APBA1: variants seen among roughly 807,000 people sequenced by gnomAD.
APBA1 encodes the protein amyloid-beta A4 precursor protein-binding family A member 1.
In APBA1, 55 loss-of-function variants were observed where a neutral mutation model predicts 86.6. The observed-to-expected ratio is 0.64, with a 90% CI of 0.51 to 0.80. The LOEUF (loss-of-function observed/expected upper bound fraction) is 0.80. Ranked by LOEUF, APBA1 falls within the 30% of genes least tolerant of loss-of-function variation. The pLI, the probability that APBA1 is intolerant of heterozygous loss-of-function variation, is 0.00. For missense variants in APBA1, 1,090 were observed against 1,183.0 expected, an observed-to-expected ratio of 0.92 and a Z score of 1.15; for synonymous variants, 511 against 493.9, an observed-to-expected ratio of 1.03 and a Z score of -0.46.
chr9:69,563,728 C>T (rs1212162017), intron 1 of APBA1, among the ~76,000 whole-genome samples: 2 of 152,108 alleles, frequency 1.3e-5, no homozygotes, highest in African/African-American at 4.8e-5. Context: ...CCTTCTGGCT[C>T]AACTGTTTTG....
At chr9:69,476,535 T>C (rs1835450106) in intron 2 of APBA1, among the ~76,000 whole-genome samples, 1 of 152,192 alleles carries the variant, frequency 6.6e-6, no homozygotes, top group Non-Finnish European at 1.5e-5. Flanking sequence ...TCTTATAAAA[T>C]TGCCTGCCCC....
At chr9:69,552,054 T>C (rs1836793020) in intron 1 of APBA1, among the ~76,000 whole-genome samples, 2 of 152,182 alleles carry the variant, frequency 1.3e-5, no homozygotes, top group South Asian at 4.1e-4. Context: ...GGACAGAAAC[T>C]TGGAGGTGGC....
chr9:69,618,288 A>G (rs986575830), intron 1 of APBA1, among the ~76,000 whole-genome samples: 5 of 152,216 alleles, frequency 3.3e-5, no homozygotes, highest in African/African-American at 9.6e-5. Context: ...GAAGCCATGC[A>G]TTGACACCAG....
At position 69,672,285 on chromosome 9, in the gene APBA1, T is replaced by C. The variant is rs1231585970; in HGVS notation, c.-202A>G. The C allele has an allele frequency of 1.1e-5, 2 of 175,510 alleles. No homozygotes were observed. The highest frequency in any genetic ancestry group is 1.7e-4 in the East Asian group (1 of 5,870). The allele number at this position is 175,510 out of a possible 1,614,324, so 10.9% of individuals were successfully genotyped here. On this transcript the variant is annotated 5_prime_UTR_variant, in exon 1 of 13. Transcript: ENST00000265381. The stretch of plus-strand genomic sequence containing the variant: ...CGCCACCATCTTCTCCCGCCGCAGC[T>C]GCCGCCGCCGCCGCCGCCGCCGGGA...
chr9:69,482,980 G>A (rs1300584277), intron 2 of APBA1, among the ~76,000 whole-genome samples: 4 of 99,728 alleles, frequency 4.0e-5, no homozygotes, highest in African/African-American at 1.5e-4. Context: ...GGGGTGGGGG[G>A]AGGGGGGAGG....
intron 1 of APBA1, among the ~76,000 whole-genome samples, chr9:69,670,466 T>A (rs951171171): frequency 6.6e-6 from 1 of 152,180 alleles, no homozygotes; most frequent in African/African-American, 2.4e-5. Context: ...GTGTTATGAC[T>A]AAAACATGTC....
chr9:69,518,576 A>G (rs1409445113), intron 1 of APBA1, among the ~76,000 whole-genome samples: 1 of 152,232 alleles, frequency 6.6e-6, no homozygotes, highest in Non-Finnish European at 1.5e-5. Context: ...CAGTATATAG[A>G]AATAGACACA....
chr9:69,512,762 T>C (rs7031105), intron 2 of APBA1, among the ~76,000 whole-genome samples: 98,872 of 151,984 alleles, frequency 0.65, 32,319 homozygotes, highest in Non-Finnish European at 0.66. Context: ...TAAAATAAAA[T>C]GAAACAACCA....
At chr9:69,623,972 G>C (rs959218707) in intron 1 of APBA1, among the ~76,000 whole-genome samples, 11 of 152,144 alleles carry the variant, frequency 7.2e-5, no homozygotes, top group Admixed American at 6.5e-4. Context: ...TTTTAGAAAT[G>C]TAAAAGCAAC....
chr9:69,452,504 T>C (rs1835028421), intron 8 of APBA1, among the ~76,000 whole-genome samples: 2 of 152,220 alleles, frequency 1.3e-5, no homozygotes, highest in East Asian at 1.9e-4. Flanking sequence ...TTTTTGATTA[T>C]GACAATGATC....
At chr9:69,453,935 G>A (rs1443373056) in intron 8 of APBA1, among the ~76,000 whole-genome samples, 1 of 152,222 alleles carries the variant, frequency 6.6e-6, no homozygotes, top group African/African-American at 2.4e-5. Flanking sequence ...AACAGGATAT[G>A]GAGGTTGAGG....
chr9:69,491,764 A>AT (rs151248069), intron 2 of APBA1, among the ~76,000 whole-genome samples: 1,428 of 132,440 alleles, frequency 0.011, 15 homozygotes, highest in African/African-American at 0.018. Context: ...TATCCCTTGA[A>AT]TTTTTTTTTT....
At chr9:69,620,084 T>G (rs1044167955) in intron 1 of APBA1, among the ~76,000 whole-genome samples, 1 of 152,230 alleles carries the variant, frequency 6.6e-6, no homozygotes, top group Non-Finnish European at 1.5e-5. Context: ...CCTGTCTGTC[T>G]TCTGGAAAAC....
In APBA1 at chr9:69,517,171, C is replaced by A; in HGVS notation, c.40G>T (p.Asp14Tyr). The change falls in exon 2 of 13, where the codon GAC becomes TAC. Residue 14 changes from aspartate to tyrosine, a missense_variant. This residue lies in a region of APBA1 where 678 missense variants were observed against 647.1 expected (regional missense o/e 1.05). Transcript: ENST00000265381. ...LEGSAEVEVT[D>Y]EAAGGEVNES... ...TTCACCTCCCCACCTGCCGCCTCGT[C>A]GGTCACCTCCACCTCCGCAGACCCC... 1 of 1,553,544 alleles carries A rather than the reference C, an allele frequency of 6.4e-7. No individual in the cohort carries two copies. The highest frequency in any genetic ancestry group is 1.9e-5 in the Admixed American group (1 of 53,054).
At chr9:69,534,295 T>C (rs536861008) in intron 1 of APBA1, among the ~76,000 whole-genome samples, 4 of 152,170 alleles carry the variant, frequency 2.6e-5, no homozygotes, top group Non-Finnish European at 5.9e-5. Flanking sequence ...AATACAGCAT[T>C]GGAACTACAT....
At chr9:69,589,148 G>GT (rs1564085335) in intron 1 of APBA1, among the ~76,000 whole-genome samples, 1 of 152,026 alleles carries the variant, frequency 6.6e-6, no homozygotes, top group Non-Finnish European at 1.5e-5. Context: ...TAAAGATGGG[G>GT]TTTTACCATG....
intron 1 of APBA1, among the ~76,000 whole-genome samples, chr9:69,668,267 C>T (rs1823880565): frequency 6.6e-6 from 1 of 152,094 alleles, no homozygotes; most frequent in African/African-American, 2.4e-5. Flanking sequence ...AAAGAAACTT[C>T]TCTCCTCTTC....
chr9:69,594,407 T>C (rs1253910045), intron 1 of APBA1, among the ~76,000 whole-genome samples: 1 of 152,156 alleles, frequency 6.6e-6, no homozygotes, highest in African/African-American at 2.4e-5. Flanking sequence ...TGAGCCAACA[T>C]GTCAAACCAG....
At chr9:69,663,041 AT>A (rs1772890836) in intron 1 of APBA1, among the ~76,000 whole-genome samples, 1 of 152,256 alleles carries the variant, frequency 6.6e-6, no homozygotes, top group Admixed American at 6.5e-5. Flanking sequence ...ACATGAAATT[AT>A]TTCATACTAT....
Sources: allele counts gnomAD v4.1 joint callset (sites outside exome capture counted in the v4.1 genomes callset), GRCh38; gene constraint gnomAD v4.1.1; regional missense constraint gnomAD v4.1.1; transcripts MANE v1.5; gene names NCBI Gene and HGNC (gene_info 2026-07-23, HGNC 2026-07-21).